ABI3BP: variants seen among roughly 807,000 people sequenced by gnomAD.
ABI3BP encodes the protein ABI family member 3 binding protein, also known as target of Nesh-SH3.
ABI3BP carries 216 observed loss-of-function variants against 268.6 expected under a neutral mutation model. That is an observed-to-expected ratio of 0.80 (90% CI 0.72 to 0.90). ABI3BP has a LOEUF of 0.90. Among genes scored for constraint, ABI3BP ranks in the 40% least tolerant of loss-of-function variants. ABI3BP has a pLI of 0.00. For synonymous variants in ABI3BP, 730 were observed against 730.0 expected (o/e 1.00, Z 0.00); for missense variants, 2,090 against 2,182.4 (o/e 0.96, Z 0.84).
At chr3:100,903,261 T>G (rs2153507279) in intron 2 of ABI3BP, among the ~76,000 whole-genome samples, 1 of 152,348 alleles carries the variant, frequency 6.6e-6, no homozygotes, top group South Asian at 2.1e-4. Context: ...GGTATAATTT[T>G]CATTTTAAAT....
intron 14 of ABI3BP, among the ~76,000 whole-genome samples, chr3:100,860,168 C>T (rs1446073184): frequency 6.6e-6 from 1 of 152,178 alleles, no homozygotes; most frequent in Non-Finnish European, 1.5e-5. Flanking sequence ...GAGTGGAGCC[C>T]AAGTTCTGCC....
At chr3:100,879,908 T>G (rs1458796095) in intron 6 of ABI3BP, among the ~76,000 whole-genome samples, 1 of 152,120 alleles carries the variant, frequency 6.6e-6, no homozygotes, top group Non-Finnish European at 1.5e-5. Flanking sequence ...CTCTACAATT[T>G]CCATTCAGAA....
chr3:100,796,857 A>T (rs1226306199), intron 51 of ABI3BP, among the ~76,000 whole-genome samples: 1 of 152,150 alleles, frequency 6.6e-6, no homozygotes, highest in Admixed American at 6.6e-5. Flanking sequence ...GCAACAAAAA[A>T]TATGTATCTT....
At chr3:100,960,817 T>C (rs1016665057) in intron 1 of ABI3BP, among the ~76,000 whole-genome samples, 1 of 152,140 alleles carries the variant, frequency 6.6e-6, no homozygotes, top group Non-Finnish European at 1.5e-5. Flanking sequence ...AATGACCAGG[T>C]GAAACTTACT....
chr3:100,866,467 T>TA (rs1219750432), intron 10 of ABI3BP, among the ~76,000 whole-genome samples: 1 of 152,174 alleles, frequency 6.6e-6, no homozygotes, highest in African/African-American at 2.4e-5. Context: ...GATTCCAGGG[T>TA]ATTTTCATAG....
intron 1 of ABI3BP, among the ~76,000 whole-genome samples, chr3:100,963,723 G>A (rs562553959): frequency 6.6e-6 from 1 of 152,246 alleles, no homozygotes; most frequent in South Asian, 2.1e-4. Flanking sequence ...AGTCGCACTG[G>A]CCAGCTGTTA....
At position 100,886,207 on chromosome 3, in the gene ABI3BP, C is replaced by A. The variant is rs199740093; in HGVS notation, c.578G>T (p.Gly193Val). 17 of 1,608,982 alleles carry A rather than the reference C, an allele frequency of 1.1e-5. No homozygotes were observed. In the Admixed American group the frequency reaches 1.3e-4, roughly 13 times the overall value. ...TCCACCTTCCACATTGTCTTTCACT[C>A]CAAATTCATAAACTGTGTTGGGCTT... ...NLKPNTVYEF[G>V]VKDNVEGGIW... The change falls in exon 5 of 68, where the codon GGA (glycine) becomes GTA (valine). Residue 193 changes from glycine (G) to valine (V), a missense_variant. By Grantham distance (109) the Gly-to-Val change is moderately radical (BLOSUM62 -3). Transcript: ENST00000471714.
intron 11 of ABI3BP, 68 bp downstream of exon 11, chr3:100,864,765 G>A (rs773521321): frequency 4.1e-6 from 5 of 1,218,726 alleles, no homozygotes; most frequent in Non-Finnish European, 5.7e-6. Flanking sequence ...TTTCTTTTCT[G>A]TGAGTCCTGG....
chr3:100,895,006 C>T (rs531567413), intron 4 of ABI3BP, among the ~76,000 whole-genome samples: 3 of 126,568 alleles, frequency 2.4e-5, no homozygotes, highest in Admixed American at 8.5e-5. Context: ...TTAGAAAATG[C>T]GAAAGTGATT....
At chr3:100,768,165 T>G (rs1344275603) in intron 62 of ABI3BP, among the ~76,000 whole-genome samples, 1 of 142,426 alleles carries the variant, frequency 7.0e-6, no homozygotes, top group Non-Finnish European at 1.5e-5. Flanking sequence ...CTCGGCTCAC[T>G]GCAAGCTCCG....
chr3:100,797,980 T>TGTTC (rs2097401797), intron 51 of ABI3BP, among the ~76,000 whole-genome samples: 1 of 152,146 alleles, frequency 6.6e-6, no homozygotes, highest in Non-Finnish European at 1.5e-5. Context: ...ACAAAATGTT[T>TGTTC]ATCTTGAGGC....
chr3:100,750,303 TC>T lies in ABI3BP; in HGVS notation c.*191del. 1 of 469,996 alleles carries T rather than the reference TC, an allele frequency of 2.1e-6. No homozygotes were observed. Among genetic ancestry groups the T allele is most frequent in the East Asian group, 3.5e-5 (1 of 28,462 alleles). 29.1% of individuals were successfully genotyped at this position (469,996 alleles called of 1,614,324 possible). A position where few individuals can be genotyped will look rare whatever the true frequency, so the allele number is the denominator to read the frequency against. The stretch of plus-strand genomic sequence containing the variant: ...TTCTGTTAACATCAGTATCTTGCTT[TC>T]TTAAAATGACTTTGTAAAACCTGAT... On this transcript the variant is annotated 3_prime_UTR_variant, in exon 68 of 68. Coordinates refer to ENST00000471714, the MANE Select transcript of ABI3BP (RefSeq NM_001375547.2).
intron 2 of ABI3BP, among the ~76,000 whole-genome samples, chr3:100,917,023 C>CTAA (rs1256401336): frequency 9.8e-5 from 15 of 152,332 alleles, no homozygotes; most frequent in African/African-American, 3.6e-4. Context: ...AGTTACTTTA[C>CTAA]TAATAGGGTA....
intron 58 of ABI3BP, among the ~76,000 whole-genome samples, chr3:100,779,604 ACTCTCTCTCT>A (rs138554435): frequency 2.2e-5 from 3 of 135,516 alleles, no homozygotes; most frequent in Non-Finnish European, 3.2e-5. Context: ...TAAGAGAAAG[ACTCTCTCTCT>A]CTCTCTCTCT....
rs1474596487 is a variant in ABI3BP at position 100,807,213 on chromosome 3, AAATTT to A, written c.3682+943_3682+947del. On this transcript the variant is annotated intron_variant, in intron 50 of 67. Transcript: ENST00000471714. The stretch of plus-strand genomic sequence containing the variant: ...GATTTTAGTTTCCTATTATAATAAC[AAATTT>A]AATATACTTGGTTTATTTAATAACT... 3.3e-5 allele frequency among the ~76,000 whole-genome samples: 5 copies of A among 152,118 alleles called. No individual in the cohort carries two copies. In the South Asian group the frequency reaches 8.3e-4, roughly 25 times the overall value.
chr3:100,808,377 T>C, intron 49 of ABI3BP, 142 bp from the exon 50 acceptor site: 1 of 524,306 alleles, frequency 1.9e-6, no homozygotes, highest in Non-Finnish European at 3.3e-6. Flanking sequence ...CTGCAAAGTA[T>C]AGGAAGGTAA....
At chr3:100,964,405 G>A (rs1220901563) in intron 1 of ABI3BP, among the ~76,000 whole-genome samples, 5 of 152,122 alleles carry the variant, frequency 3.3e-5, no homozygotes, top group South Asian at 4.1e-4. Context: ...TATAAATTCC[G>A]GGGCATCCGC....
chr3:100,929,709 C>G (rs997460540), intron 1 of ABI3BP, among the ~76,000 whole-genome samples: 1 of 151,986 alleles, frequency 6.6e-6, no homozygotes, highest in East Asian at 1.9e-4. Flanking sequence ...TTGACCCTTA[C>G]AATCCTCTCA....
intron 1 of ABI3BP, among the ~76,000 whole-genome samples, chr3:100,973,892 T>A (rs1325309489): frequency 1.3e-5 from 2 of 152,212 alleles, no homozygotes; most frequent in Non-Finnish European, 2.9e-5. Context: ...CCACATATTA[T>A]CTCATCTGAT....
Sources: allele counts gnomAD v4.1 joint callset (sites outside exome capture counted in the v4.1 genomes callset), GRCh38; gene constraint gnomAD v4.1.1; transcripts MANE v1.5; gene names NCBI Gene and HGNC (gene_info 2026-07-23, HGNC 2026-07-21).